FBXO3: variants seen among roughly 807,000 people sequenced by gnomAD.
The protein encoded by FBXO3 is F-box protein 3.
FBXO3 carries 17 observed loss-of-function variants against 64.8 expected under a neutral mutation model. That is an observed-to-expected ratio of 0.26 (90% confidence interval 0.18 to 0.39). The LOEUF (loss-of-function observed/expected upper bound fraction) is 0.39, where lower values mean the gene tolerates loss of function less well. Ranked by LOEUF, FBXO3 falls within the 10% of genes least tolerant of loss-of-function variation. The pLI is 1.00. For synonymous variants in FBXO3, 182 were observed against 201.6 expected (o/e 0.90, Z 0.82); for missense variants, 420 against 589.9 (o/e 0.71, Z 2.98).
At chr11:33,771,916 A>G (rs939417019) in intron 1 of FBXO3, 8 of 152,236 alleles carry the variant, frequency 5.3e-5, no homozygotes, top group African/African-American at 1.2e-4. Context: ...GATGAATTCA[A>G]TGCACATCGA....
chr11:33,766,329 T>C (rs1855371241), intron 3 of FBXO3, among the ~76,000 whole-genome samples: 1 of 152,244 alleles, frequency 6.6e-6, no homozygotes, highest in Non-Finnish European at 1.5e-5. Flanking sequence ...TAAATCAGGA[T>C]GGGCATATTA....
At chr11:33,757,603 G>C (rs923862491) in intron 4 of FBXO3, among the ~76,000 whole-genome samples, 5 of 125,066 alleles carry the variant, frequency 4.0e-5, no homozygotes, top group Non-Finnish European at 8.0e-5. Flanking sequence ...AGGACTGCTT[G>C]AGCCCAGGAG....
chr11:33,749,448 C>T (rs1854898373), intron 8 of FBXO3, among the ~76,000 whole-genome samples: 1 of 151,200 alleles, frequency 6.6e-6, no homozygotes, highest in South Asian at 2.1e-4. Context: ...GCAGCCTTGA[C>T]CTCCTAGGCT....
chr11:33,745,514 A>C (rs529397766), intron 10 of FBXO3: 19 of 152,282 alleles, frequency 1.2e-4, no homozygotes, highest in Admixed American at 4.6e-4. Context: ...AAATTTAAAA[A>C]ATCGATAGCC....
rs1465831507 is a variant in FBXO3 at position 33,754,203 on chromosome 11, T to C, written c.724+252A>G. 10 of 361,162 alleles carry C rather than the reference T, an allele frequency of 2.8e-5. No individual in the cohort carries two copies. The Admixed American group carries it at 4.6e-4, about 17-fold the overall frequency. The allele number at this position is 361,162 out of a possible 1,614,324, so 22.4% of individuals were successfully genotyped here. On this transcript the variant is annotated intron_variant, in intron 6 of 10. Coordinates refer to ENST00000265651, the MANE Select transcript of FBXO3 (RefSeq NM_012175.4). ...ATTCACAGCACTTCTACATATTTCA[T>C]TGCCTTATAGAAGAGTCCTCAGAGC...
intron 3 of FBXO3, among the ~76,000 whole-genome samples, chr11:33,765,598 A>G (rs1392842123): frequency 2.0e-5 from 3 of 152,220 alleles, no homozygotes; most frequent in Non-Finnish European, 4.4e-5. Context: ...TCTTTGCTCT[A>G]CTGCTTTGAC....
chr11:33,753,778 T>C (rs1855022674), intron 6 of FBXO3: 1 of 152,204 alleles, frequency 6.6e-6, no homozygotes, highest in African/African-American at 2.4e-5. Flanking sequence ...ACTATTCATA[T>C]ATGTAGATGT....
intron 6 of FBXO3, chr11:33,753,806 G>C (rs574215713): frequency 2.6e-5 from 4 of 152,192 alleles, no homozygotes; most frequent in Non-Finnish European, 5.9e-5. Flanking sequence ...ATGTCAGTCA[G>C]TACCCTTAAA....
intron 1 of FBXO3, chr11:33,771,947 G>A (rs1199126611): frequency 6.6e-6 from 1 of 152,214 alleles, no homozygotes; most frequent in Non-Finnish European, 1.5e-5. Context: ...TACTGTTCTA[G>A]AGATTCTGAT....
At chr11:33,774,077 G>C in intron 1 of FBXO3, 2 of 301,168 alleles carry the variant, frequency 6.6e-6, no homozygotes, top group Non-Finnish European at 1.3e-5. Context: ...GCCAGCGGGG[G>C]TCCGCGGAGC....
intron 1 of FBXO3, chr11:33,773,158 T>C (rs1157361456): frequency 6.6e-6 from 1 of 152,186 alleles, no homozygotes; most frequent in South Asian, 2.1e-4. Flanking sequence ...GTTTAGGTTA[T>C]AGTCTATAAA....
In FBXO3 at chr11:33,751,541, A is replaced by G; in HGVS notation, c.791T>C (p.Ile264Thr). 6.2e-7 allele frequency: 1 copy of G among 1,608,852 alleles called. No homozygotes were observed. The highest frequency in any genetic ancestry group is 8.5e-7 in the Non-Finnish European group (1 of 1,177,718). ...KNVVSGGFPIIRDQIFRYVHD... is the reference protein window; with the variant it reads ...KNVVSGGFPITRDQIFRYVHD... ...AAAATACCTGAAAATTTGGTCTCTG[A>G]TGATGGGGAAGCCACCTGATACAAC... The change falls in exon 7 of 11, where the codon ATC becomes ACC. Residue 264 changes from isoleucine to threonine, a missense_variant. Coordinates refer to ENST00000265651, the MANE Select transcript of FBXO3 (RefSeq NM_012175.4).
rs143578086 is a variant in FBXO3, at chr11:33,747,522, T to C, written c.1049-202A>G. ...TATTTTATTCCTCTTGACTTTTTTT[T>C]TTTTTTTGAGACAGAGTCTTGCTCT... On this transcript the variant is annotated intron_variant, in intron 9 of 10. Transcript: ENST00000265651. 1.6e-3 allele frequency among the ~76,000 whole-genome samples: 249 copies of C among 152,016 alleles called. 1 individual carries two copies. The highest frequency in any genetic ancestry group is 6.8e-3 in the Middle Eastern group (2 of 294).
intron 3 of FBXO3, among the ~76,000 whole-genome samples, chr11:33,762,819 G>A (rs1338938241): frequency 2.0e-5 from 3 of 150,514 alleles, no homozygotes; most frequent in African/African-American, 4.9e-5. Context: ...GATTGGCAAA[G>A]GCAAAAGCCA....
chr11:33,757,489 A>G (rs189786689), intron 4 of FBXO3, among the ~76,000 whole-genome samples: 148 of 143,420 alleles, frequency 1.0e-3, no homozygotes, highest in African/African-American at 3.7e-3. Flanking sequence ...AAAATTTAAA[A>G]TAATAAAAGT....
At chr11:33,754,063 C>T (rs1014129745) in intron 6 of FBXO3, 2 of 158,366 alleles carry the variant, frequency 1.3e-5, no homozygotes, top group Non-Finnish European at 2.8e-5. Context: ...TATCTTAATG[C>T]TACTGCATTA....
Position 33,770,590 on chromosome 11 carries a change from C to G in FBXO3, c.194+151G>C, listed in dbSNP as rs533719227. 1.7e-4 allele frequency: 103 copies of G among 613,450 alleles called. 1 individual carries two copies. The South Asian group carries it at 2.3e-3, about 14-fold the overall frequency. 38.0% of individuals were successfully genotyped at this position (613,450 alleles called of 1,614,324 possible). The stretch of plus-strand genomic sequence containing the variant: ...AGCAGCAGTGGGCTAAGGACAGAAC[C>G]TTGGCAAATACCAACATTTACTAGC... On this transcript the variant is annotated intron_variant, in intron 2 of 10. Coordinates refer to ENST00000265651, the MANE Select transcript of FBXO3 (RefSeq NM_012175.4).
chr11:33,757,681 A>AAAAAAAAAAAAAATT, intron 4 of FBXO3, among the ~76,000 whole-genome samples: 1 of 143,186 alleles, frequency 7.0e-6, no homozygotes, highest in African/African-American at 2.6e-5. Context: ...AAAAAAAAAA[A>AAAAAAAAAAAAAATT]GTCTGGGTGG....
chr11:33,763,328 T>G (rs1256324306), intron 3 of FBXO3: 1 of 430,050 alleles, frequency 2.3e-6, no homozygotes, highest in Non-Finnish European at 4.7e-6. Context: ...CAGGCCAAAC[T>G]CTCATGAACA....
Sources: gnomAD v4.1 joint callset for allele counts (sites outside exome capture counted in the v4.1 genomes callset) on GRCh38, gnomAD v4.1.1 for gene constraint, MANE v1.5 for transcripts, NCBI Gene and HGNC (gene_info 2026-07-23, HGNC 2026-07-21) for gene names.